The following GLIS2 variants were observed in gnomAD, a reference collection of about 807,000 sequenced individuals.
GLIS2 encodes the protein GLIS family zinc finger 2, also known as zinc finger protein GLIS2.
A neutral mutation model predicts 35.6 loss-of-function variants in GLIS2; 14 were observed. The observed-to-expected ratio is 0.39, with a 90% CI of 0.26 to 0.61. GLIS2 has a LOEUF of 0.61. GLIS2 is among the 20% of genes least tolerant of loss of function. The pLI is 0.48. For synonymous variants in GLIS2, 368 were observed against 325.1 expected (o/e 1.13, Z -1.42); for missense variants, 675 against 713.4 (o/e 0.95, Z 0.61).
rs1354504924 is a variant in GLIS2 at position 4,336,734 on chromosome 16, C to G, written c.785C>G (p.Pro262Arg). 1 of 1,601,026 alleles carries G rather than the reference C, an allele frequency of 6.2e-7. No homozygotes were observed. The highest frequency in any genetic ancestry group is 2.3e-5 in the East Asian group (1 of 44,212). ...IHNRSHTGEK[P>R]YVCPYEGCNK... The stretch of plus-strand genomic sequence containing the variant: ...CTGCACCACCCTGCAGGTGAGAAGC[C>G]CTACGTCTGCCCCTACGAGGGCTGC... Residue 262 changes from proline (P) to arginine (R), a missense_variant, in exon 7 of 7, where the codon CCC (proline) becomes CGC (arginine). Pro to Arg is a moderately radical substitution (Grantham distance 103, BLOSUM62 -2). Around this residue, in one of 3 missense-constraint regions of GLIS2, gnomAD observed 133 missense variants for 191.4 expected, o/e 0.69. Coordinates refer to ENST00000433375, the MANE Select transcript of GLIS2 (RefSeq NM_032575.3).
At position 4,336,716 on chromosome 16, in the gene GLIS2, A is replaced by C; in HGVS notation, c.776-9A>C. On this transcript the variant is annotated splice_polypyrimidine_tract_variant and intron_variant, in intron 6 of 6. Coordinates refer to ENST00000433375, the MANE Select transcript of GLIS2 (RefSeq NM_032575.3). Reference sequence around the variant, plus strand: ...CCTCATGGCGGCACTGCACTGCACCACCCTGCAGGTGAGAAGCCCTACGTC... The same window carrying C: ...CCTCATGGCGGCACTGCACTGCACCCCCCTGCAGGTGAGAAGCCCTACGTC... 3.1e-6 allele frequency: 5 copies of C among 1,588,864 alleles called. No individual in the cohort carries two copies. The highest frequency in any genetic ancestry group is 4.3e-6 in the Non-Finnish European group (5 of 1,168,250).
chr16:4,321,289 G>C (rs545568566), intron 1 of GLIS2, among the ~76,000 whole-genome samples: 4 of 152,276 alleles, frequency 2.6e-5, no homozygotes, highest in African/African-American at 9.6e-5. Flanking sequence ...CCTTGCCTGG[G>C]ACAGGGAGAA....
chr16:4,314,852 C>T (rs1383234087), upstream of GLIS2: 1 of 152,316 alleles, frequency 6.6e-6, no homozygotes, highest in African/African-American at 2.4e-5. Flanking sequence ...GAGGGGGTGT[C>T]CAACAGCAGG....
chr16:4,334,560 A>G, intron 3 of GLIS2, among the ~76,000 whole-genome samples: 1 of 148,916 alleles, frequency 6.7e-6, no homozygotes, highest in African/African-American at 2.4e-5. Flanking sequence ...TAATTAAGAA[A>G]ATAAAAATTT....
In GLIS2 at chr16:4,333,507, G is replaced by T. The variant is rs148413983; in HGVS notation, c.333G>T (p.Val111=). The T allele has an allele frequency of 3.1e-6, 5 of 1,610,222 alleles. No individual in the cohort carries two copies. The highest frequency in any genetic ancestry group is 4.2e-6 in the Non-Finnish European group (5 of 1,178,432). ...ERQGNGDLPP[V]PSASDFQPLR... ...AGGGCAACGGGGACCTGCCTCCAGT[G>T]CCCAGTGCCTCGGTAAGGAGGGGTG... Residue 111 remains valine, a synonymous_variant, in exon 3 of 7, where the codon GTG becomes GTT. Transcript: ENST00000433375.
chr16:4,333,198 C>T (rs1362825545), intron 2 of GLIS2, 149 bp from the exon 3 acceptor site: 2 of 852,070 alleles, frequency 2.3e-6, no homozygotes, highest in African/African-American at 1.7e-5. Context: ...ACACACCTGT[C>T]AGCTCCACAG....
At chr16:4,323,335 G>A (rs2053397143) in intron 1 of GLIS2, among the ~76,000 whole-genome samples, 1 of 152,196 alleles carries the variant, frequency 6.6e-6, no homozygotes, top group Non-Finnish European at 1.5e-5. Context: ...GGGCTGCGGG[G>A]CGGGCTTTCC....
chr16:4,339,208 GCCCCACCCAGGCCCTGAGCACC>G lies in GLIS2; in HGVS notation c.*1693_*1714del, dbSNP rs2053597660. ...GAGGGAGCTGGTCTCCTTTCTTCGG[GCCCCACCCAGGCCCTGAGCACC>G]CCCCACCCCTGTGAGGGCCCCAGGC... On this transcript the variant is annotated 3_prime_UTR_variant, in exon 7 of 7. Coordinates refer to ENST00000433375, the MANE Select transcript of GLIS2 (RefSeq NM_032575.3). The G allele has an allele frequency of 6.6e-6, 1 of 152,584 alleles. No homozygotes were observed. The highest frequency in any genetic ancestry group is 2.4e-5 in the African/African-American group (1 of 41,450). 9.5% of individuals were successfully genotyped at this position (152,584 alleles called of 1,614,324 possible).
chr16:4,316,340 C>A (rs2053312100), intron 1 of GLIS2, among the ~76,000 whole-genome samples, 86 bp downstream of exon 1: 1 of 135,086 alleles, frequency 7.4e-6, no homozygotes, highest in Non-Finnish European at 1.6e-5. Flanking sequence ...GGCTGCGGGG[C>A]CCGAGGGTCT....
At chr16:4,319,557 C>T (rs1283307460) in intron 1 of GLIS2, among the ~76,000 whole-genome samples, 1 of 152,148 alleles carries the variant, frequency 6.6e-6, no homozygotes, top group African/African-American at 2.4e-5. Flanking sequence ...GGACCACAGC[C>T]CTAGCGAGTC....
chr16:4,328,254 A>G (rs2053459445), intron 1 of GLIS2: 1 of 152,278 alleles, frequency 6.6e-6, no homozygotes, highest in African/African-American at 2.4e-5. Context: ...GCTCATGGGC[A>G]CTCACTCAGG....
At chr16:4,322,009 G>A (rs535109130) in intron 1 of GLIS2, among the ~76,000 whole-genome samples, 1 of 152,154 alleles carries the variant, frequency 6.6e-6, no homozygotes, top group African/African-American at 2.4e-5. Flanking sequence ...TCCAGAAACC[G>A]AGGCTGGGGA....
chr16:4,336,345 C>T (rs2053551084), intron 6 of GLIS2: 2 of 416,820 alleles, frequency 4.8e-6, no homozygotes, highest in South Asian at 2.2e-5. Flanking sequence ...CGGGGTCTCA[C>T]CATGTTGGCC....
In GLIS2 at chr16:4,335,351, T is replaced by C. The variant is rs1415007759; in HGVS notation, c.733T>C (p.Ser245Pro). Reference protein sequence around the residue: ...HRCPTCSKSFSRLENLKIHNR... With the variant: ...HRCPTCSKSFPRLENLKIHNR... ...CTGTCCGACCTGCAGCAAGAGCTTC[T>C]CCCGCCTGGAGAACCTGAAGATCCA... Residue 245 changes from serine (S) to proline (P), a missense_variant, in exon 6 of 7, where the codon TCC becomes CCC. Transcript: ENST00000433375. This position sits in a 1 kb window ranked among gnomAD's most constrained non-coding sequence, Gnocchi z 4.6. 2 of 1,613,534 alleles carry C rather than the reference T, an allele frequency of 1.2e-6. No homozygotes were observed. Among genetic ancestry groups the C allele is most frequent in the Admixed American group, 3.3e-5 (2 of 60,016 alleles).
chr16:4,323,803 ACC>A (rs1289432716), intron 1 of GLIS2, among the ~76,000 whole-genome samples: 3 of 152,224 alleles, frequency 2.0e-5, no homozygotes, highest in African/African-American at 7.2e-5. Context: ...CCTTTAGGTT[ACC>A]AGTAGCTGGC....
In GLIS2 at chr16:4,339,486, T is replaced by A. The variant is rs188169116; in HGVS notation, c.*1962T>A. ...TTATGTTTTCCTCCTCTTGGCTCCATTGCTGTTAGCATAGAGTTTTAAAAA... is the reference window on the plus strand; with the variant it reads ...TTATGTTTTCCTCCTCTTGGCTCCAATGCTGTTAGCATAGAGTTTTAAAAA... On this transcript the variant is annotated 3_prime_UTR_variant, in exon 7 of 7. Coordinates refer to ENST00000433375, the MANE Select transcript of GLIS2 (RefSeq NM_032575.3). 3.3e-5 allele frequency: 5 copies of A among 152,542 alleles called. No individual in the cohort carries two copies. The highest frequency in any genetic ancestry group is 1.2e-4 in the African/African-American group (5 of 41,474). 9.4% of individuals were successfully genotyped at this position (152,542 alleles called of 1,614,324 possible).
intron 1 of GLIS2, among the ~76,000 whole-genome samples, chr16:4,330,531 G>C (rs1316554183): frequency 6.6e-6 from 1 of 152,178 alleles, no homozygotes; most frequent in Non-Finnish European, 1.5e-5. Context: ...TCTCCTCTAG[G>C]CCTCTGCAGG....
chr16:4,323,966 A>C (rs1308025299), intron 1 of GLIS2, among the ~76,000 whole-genome samples: 2 of 152,198 alleles, frequency 1.3e-5, no homozygotes, highest in Non-Finnish European at 2.9e-5. Context: ...GGGGTGGCAC[A>C]GGGGGCTGTA....
intron 1 of GLIS2, among the ~76,000 whole-genome samples, chr16:4,321,607 CTCATTCTGGGT>C (rs779382656): frequency 3.9e-5 from 6 of 152,170 alleles, no homozygotes; most frequent in African/African-American, 7.2e-5. Context: ...GCCTAGTTTT[CTCATTCTGGGT>C]TCCCTGCCTC....
Sources: allele counts gnomAD v4.1 joint callset (sites outside exome capture counted in the v4.1 genomes callset), GRCh38; gene constraint gnomAD v4.1.1; regional missense constraint gnomAD v4.1.1; non-coding constraint Gnocchi (gnomAD v3.1); transcripts MANE v1.5; gene names NCBI Gene and HGNC (gene_info 2026-07-23, HGNC 2026-07-21).